Variants in XPO4 observed in about 807,000 individuals in gnomAD.
The protein encoded by XPO4 is exportin 4.
Under a neutral mutation model 143.0 loss-of-function variants are expected in XPO4, and 39 were observed. The ratio of observed to expected loss-of-function variants is 0.27; its 90% CI spans 0.21 to 0.36. The LOEUF (loss-of-function observed/expected upper bound fraction) is 0.36, where lower values mean the gene tolerates loss of function less well. Among genes scored for constraint, XPO4 ranks in the 10% least tolerant of loss-of-function variants. The probability of loss-of-function intolerance (pLI) is 1.00; values close to 1 mark genes in which losing one functional copy is unlikely to be tolerated. For synonymous variants in XPO4, 439 were observed against 474.0 expected (o/e 0.93, Z 0.96); for missense variants, 907 against 1,348.0 (o/e 0.67, Z 5.12).
At chr13:20,813,640 A>G (rs755127144) in intron 9 of XPO4, among the ~76,000 whole-genome samples, 1 of 152,134 alleles carries the variant, frequency 6.6e-6, no homozygotes, top group African/African-American at 2.4e-5. Context: ...TGATCAAAAA[A>G]TTCCACTCCT....
chr13:20,855,824 CA>C, intron 3 of XPO4, 59 bp from the exon 4 acceptor site: 1 of 1,489,552 alleles, frequency 6.7e-7, no homozygotes, highest in Non-Finnish European at 9.0e-7. Flanking sequence ...AGAATACTCC[CA>C]AACTTCTCTC....
rs571573471 is a variant in XPO4 at position 20,859,427 on chromosome 13, C to T, written c.317+3290G>A. On this transcript the variant is annotated intron_variant, in intron 3 of 22. Transcript: ENST00000255305. ...CATCCTGGCTAACACAGTGAAACCC[C>T]GTCTCTACTAAAAATACAAAAAATT... Among the ~76,000 whole-genome samples the T allele has an allele frequency of 3.7e-3, 567 of 152,156 alleles. 4 individuals carry two copies. The highest frequency in any genetic ancestry group is 0.012 in the African/African-American group (492 of 41,524).
At chr13:20,887,100 C>G (rs1052935078) in intron 1 of XPO4, among the ~76,000 whole-genome samples, 7 of 152,080 alleles carry the variant, frequency 4.6e-5, no homozygotes, top group African/African-American at 1.7e-4. Flanking sequence ...AAAAGGATAG[C>G]AAACAAATTT....
rs2059107332 is a variant in XPO4 at position 20,778,624 on chromosome 13, A to G, written c.*5098T>C. The G allele has an allele frequency of 6.6e-6, 1 of 152,192 alleles. No individual in the cohort carries two copies. The highest frequency in any genetic ancestry group is 2.4e-5 in the African/African-American group (1 of 41,454). The allele number at this position is 152,192 out of a possible 1,614,324, so 9.4% of individuals were successfully genotyped here. ...CTGAGATAAATATTATAAAATATAG[A>G]CAAAATTTTTATATTTCTAATACTG... On this transcript the variant is annotated 3_prime_UTR_variant, in exon 23 of 23. Coordinates refer to ENST00000255305, the MANE Select transcript of XPO4 (RefSeq NM_022459.5).
rs200579764 is a variant in XPO4, at chr13:20,842,956, T to C, written c.666A>G (p.Val222=). 29 of 1,613,586 alleles carry C rather than the reference T, an allele frequency of 1.8e-5. No homozygotes were observed. Among genetic ancestry groups the C allele is most frequent in the Admixed American group, 1.2e-4 (7 of 60,010 alleles). Residue 222 remains valine (V), a synonymous_variant, in exon 6 of 23, where the codon GTA becomes GTG. Transcript: ENST00000255305. ...RENLNAQMSS[V]FQRYLALANQ... is the part of the protein sequence containing the mutation. Reference sequence around the variant, plus strand: ...TGGCGAGTGCAAGGTAACGCTGAAATACTGAAGACATCTGAGCATTGAGGT... The same window carrying C: ...TGGCGAGTGCAAGGTAACGCTGAAACACTGAAGACATCTGAGCATTGAGGT...
chr13:20,894,668 C>T (rs1466529157), intron 1 of XPO4, among the ~76,000 whole-genome samples: 2 of 151,470 alleles, frequency 1.3e-5, no homozygotes, highest in African/African-American at 4.9e-5. Flanking sequence ...ATGGTAAAAC[C>T]CCGTCTCTAC....
intron 9 of XPO4, 87 bp downstream of exon 9, chr13:20,821,612 TTAAAA>T: frequency 7.2e-7 from 1 of 1,385,860 alleles, no homozygotes; most frequent in Non-Finnish European, 9.7e-7. Context: ...CAGCACTCAC[TTAAAA>T]TAATTACTTG....
chr13:20,852,077 G>T, intron 4 of XPO4: 1 of 985,420 alleles, frequency 1.0e-6, no homozygotes, highest in African/African-American at 1.7e-5. Context: ...GTGCCAACAA[G>T]CTACTTGTAG....
intron 1 of XPO4, among the ~76,000 whole-genome samples, chr13:20,874,675 A>G (rs2060334606): frequency 6.6e-6 from 1 of 152,152 alleles, no homozygotes; most frequent in Admixed American, 6.5e-5. Flanking sequence ...TGGACTTCCC[A>G]GCTCCAGAAC....
intron 13 of XPO4, among the ~76,000 whole-genome samples, chr13:20,802,269 G>C (rs2137855684): frequency 6.6e-6 from 1 of 152,192 alleles, no homozygotes; most frequent in East Asian, 1.9e-4. Context: ...TGTCACCCAG[G>C]CTGGTCTTGA....
intron 18 of XPO4, among the ~76,000 whole-genome samples, chr13:20,794,139 C>T (rs1174239005): frequency 6.6e-6 from 1 of 152,122 alleles, no homozygotes; most frequent in East Asian, 1.9e-4. Context: ...CTTATTAACG[C>T]TGCCCAGCGC....
intron 13 of XPO4, among the ~76,000 whole-genome samples, chr13:20,806,803 G>A (rs922382827): frequency 9.2e-5 from 14 of 151,774 alleles, no homozygotes; most frequent in African/African-American, 1.2e-4. Context: ...TGCCCGCCTC[G>A]GTCTCCCAAA....
chr13:20,866,655 C>A (rs1229582603), intron 2 of XPO4, among the ~76,000 whole-genome samples: 1 of 152,150 alleles, frequency 6.6e-6, no homozygotes, highest in Non-Finnish European at 1.5e-5. Flanking sequence ...TACATGCACT[C>A]CACCTTTTAA....
chr13:20,845,660 T>C lies in XPO4; in HGVS notation c.457-1774A>G, dbSNP rs139051976. Among the ~76,000 whole-genome samples the C allele has an allele frequency of 5.3e-4, 81 of 152,374 alleles. No homozygotes were observed. The East Asian group carries it at 0.013, about 24-fold the overall frequency. On this transcript the variant is annotated intron_variant, in intron 4 of 22. Transcript: ENST00000255305. ...TCATTTTTTTAGTTAACAAAATTGT[T>C]AATTTTCAAAAATTTTCTTTTAAAA... is the stretch of plus-strand genomic sequence containing the variant.
Position 20,809,090 on chromosome 13 carries a change from G to A in XPO4, c.1486C>T (p.Leu496=), listed in dbSNP as rs779468917. 6.2e-7 allele frequency: 1 copy of A among 1,613,606 alleles called. No individual in the cohort carries two copies. The highest frequency in any genetic ancestry group is 8.5e-7 in the Non-Finnish European group (1 of 1,179,728). Residue 496 remains leucine (L), a synonymous_variant, in exon 11 of 23, where the codon CTG becomes TTG. Coordinates refer to ENST00000255305, the MANE Select transcript of XPO4 (RefSeq NM_022459.5). The part of the protein sequence containing the change: ...RIAAEHCIPL[L]TSLLEERVTR... ...TCTTTGGACTGTGTGTACCTTGTCA[G>A]AAGAGGTATACAGTGTTCTGCAGCA...
In XPO4 at chr13:20,788,527, C is replaced by T; in HGVS notation, c.3006G>A (p.Leu1002=). ...PEKIPQLPED[L]FKSLMYSLEL... is the part of the protein sequence containing the mutation. ...CTAGGGAGTACATCAGACTTTTAAA[C>T]AGATCCTCAGGAAGCTGTGGTATTT... The change falls in exon 20 of 23, where the codon CTG becomes CTA. Residue 1002 remains leucine, a synonymous_variant. Coordinates refer to ENST00000255305, the MANE Select transcript of XPO4 (RefSeq NM_022459.5). 1 of 1,613,112 alleles carries T rather than the reference C, an allele frequency of 6.2e-7. No homozygotes were observed. Among genetic ancestry groups the T allele is most frequent in the South Asian group, 1.1e-5 (1 of 90,924 alleles).
intron 6 of XPO4, among the ~76,000 whole-genome samples, chr13:20,840,007 AAAATT>A (rs1270887478): frequency 6.6e-6 from 1 of 152,020 alleles, no homozygotes; most frequent in Admixed American, 6.6e-5. Context: ...AAATAAAAAT[AAAATT>A]ATCTCAATAT....
At chr13:20,893,345 A>AGTAT (rs2060536206) in intron 1 of XPO4, among the ~76,000 whole-genome samples, 1 of 152,186 alleles carries the variant, frequency 6.6e-6, no homozygotes, top group Non-Finnish European at 1.5e-5. Flanking sequence ...GTGGACAGAA[A>AGTAT]CAGTCTTATG....
At position 20,808,993 on chromosome 13, in the gene XPO4, T is replaced by C. The variant is rs185661413; in HGVS notation, c.1493+90A>G. ...AGTGTGCTGGGACACGGGGTGGGGG[T>C]GTTTAAAGTCTTTAAACACTTTAAG... On this transcript the variant is annotated intron_variant, in intron 11 of 22. Coordinates refer to ENST00000255305, the MANE Select transcript of XPO4 (RefSeq NM_022459.5). 5.4e-4 allele frequency: 750 copies of C among 1,385,182 alleles called. 4 individuals are homozygous for C. The African/African-American group carries it at 7.7e-3, about 14-fold the overall frequency. The allele number at this position is 1,385,182 out of a possible 1,614,324, so 85.8% of individuals were successfully genotyped here.
Sources: allele counts gnomAD v4.1 joint callset (sites outside exome capture counted in the v4.1 genomes callset), GRCh38; gene constraint gnomAD v4.1.1; transcripts MANE v1.5; gene names NCBI Gene and HGNC (gene_info 2026-07-23, HGNC 2026-07-21).